FAF1: variants seen among roughly 807,000 people sequenced by gnomAD.
FAF1 encodes the protein Fas associated factor 1, also known as FAS-associated factor 1.
Under a neutral mutation model 92.5 loss-of-function variants are expected in FAF1, and 25 were observed. The ratio of observed to expected loss-of-function variants is 0.27; its 90% CI spans 0.20 to 0.38. FAF1 has a LOEUF of 0.38. Among genes scored for constraint, FAF1 ranks in the 10% least tolerant of loss-of-function variants. FAF1 has a pLI of 1.00. For synonymous variants in FAF1, 234 were observed against 273.2 expected (o/e 0.86, Z 1.42); for missense variants, 636 against 793.3 (o/e 0.80, Z 2.38).
intron 6 of FAF1, among the ~76,000 whole-genome samples, chr1:50,723,660 C>T (rs1422229970): frequency 6.6e-6 from 1 of 152,064 alleles, no homozygotes; most frequent in Non-Finnish European, 1.5e-5. Context: ...ACTTATAATC[C>T]CAGTGCTTTG....
chr1:50,535,406 A>C lies in FAF1; in HGVS notation c.1457T>G (p.Ile486Ser). ...ATCTTCCTGTTGTTGGGCTGTGAAG[A>C]TCTCCATTGCAGCCATGAGTCTCAT... ...LMMRLMAAME[I>S]FTAQQQEDIK... The change falls in exon 15 of 19, where the codon ATC (isoleucine) becomes AGC (serine). Residue 486 changes from isoleucine to serine, a missense_variant. By Grantham distance (142) the Ile-to-Ser change is moderately radical (BLOSUM62 -2). This residue lies in a region of FAF1 where 319 missense variants were observed against 451.0 expected (regional missense o/e 0.71). Transcript: ENST00000396153. 1 of 1,612,532 alleles carries C rather than the reference A, an allele frequency of 6.2e-7. No individual in the cohort carries two copies.
intron 15 of FAF1, among the ~76,000 whole-genome samples, chr1:50,512,022 T>C (rs1268365223): frequency 6.6e-6 from 1 of 152,240 alleles, no homozygotes; most frequent in Non-Finnish European, 1.5e-5. Flanking sequence ...TTCATGTTTG[T>C]TGGCCACATA....
chr1:50,908,077 G>A (rs1049901320), intron 1 of FAF1, among the ~76,000 whole-genome samples: 10 of 152,018 alleles, frequency 6.6e-5, no homozygotes, highest in African/African-American at 1.7e-4. Flanking sequence ...TTGTGTCTTC[G>A]TTCTCATTGG....
At chr1:50,912,776 T>G (rs1262714804) in intron 1 of FAF1, among the ~76,000 whole-genome samples, 1 of 152,214 alleles carries the variant, frequency 6.6e-6, no homozygotes, top group Non-Finnish European at 1.5e-5. Context: ...CGGTTTAGTA[T>G]TTGAAAATAT....
At chr1:50,623,608 G>C (rs1653316998) in intron 8 of FAF1, among the ~76,000 whole-genome samples, 1 of 150,462 alleles carries the variant, frequency 6.6e-6, no homozygotes, top group South Asian at 2.1e-4. Flanking sequence ...AAAAGAAAAA[G>C]AAATTTTGGC....
chr1:50,619,016 C>G (rs1212186662), intron 8 of FAF1, among the ~76,000 whole-genome samples: 1 of 152,146 alleles, frequency 6.6e-6, no homozygotes, highest in African/African-American at 2.4e-5. Flanking sequence ...CTTGGACTCC[C>G]AAAGTGCTAG....
chr1:50,450,472 A>G (rs1646282280), intron 18 of FAF1, among the ~76,000 whole-genome samples: 1 of 152,140 alleles, frequency 6.6e-6, no homozygotes, highest in Non-Finnish European at 1.5e-5. Context: ...CTTCTGACCT[A>G]CTTCTAAACG....
intron 1 of FAF1, among the ~76,000 whole-genome samples, chr1:50,939,980 A>G (rs1645118145): frequency 6.6e-6 from 1 of 152,120 alleles, no homozygotes; most frequent in Non-Finnish European, 1.5e-5. Context: ...GCATGATCTC[A>G]GCTCACTGCA....
intron 7 of FAF1, among the ~76,000 whole-genome samples, chr1:50,658,788 C>T (rs1280189082): frequency 6.6e-6 from 1 of 152,198 alleles, no homozygotes; most frequent in Non-Finnish European, 1.5e-5. Context: ...AATGCAAAGG[C>T]TAAATTCACA....
chr1:50,915,842 G>T (rs1304418815), intron 1 of FAF1, among the ~76,000 whole-genome samples: 1 of 152,156 alleles, frequency 6.6e-6, no homozygotes, highest in Non-Finnish European at 1.5e-5. Flanking sequence ...ATTCTGAAAG[G>T]TGAGATCCAC....
chr1:50,957,904 A>G (rs1007227407), intron 1 of FAF1, among the ~76,000 whole-genome samples: 2 of 152,230 alleles, frequency 1.3e-5, no homozygotes, highest in Non-Finnish European at 2.9e-5. Context: ...CGGTAAAACT[A>G]CACCTTGAAA....
chr1:50,849,075 G>T (rs1644326709), intron 2 of FAF1, among the ~76,000 whole-genome samples: 1 of 151,946 alleles, frequency 6.6e-6, no homozygotes, highest in South Asian at 2.1e-4. Context: ...TGGCCAATAT[G>T]GTGAAACCCC....
intron 13 of FAF1, among the ~76,000 whole-genome samples, chr1:50,554,755 A>C (rs944663407): frequency 3.3e-5 from 5 of 152,194 alleles, no homozygotes; most frequent in African/African-American, 7.2e-5. Flanking sequence ...TTTTCTACTG[A>C]AAACAACTGT....
intron 13 of FAF1, among the ~76,000 whole-genome samples, chr1:50,545,432 C>T (rs1464438349): frequency 6.6e-6 from 1 of 152,010 alleles, no homozygotes; most frequent in African/African-American, 2.4e-5. Context: ...CCATGCCTGG[C>T]TAATTTTTGT....
At chr1:50,541,302 A>T (rs1648745804) in intron 13 of FAF1, among the ~76,000 whole-genome samples, 1 of 152,180 alleles carries the variant, frequency 6.6e-6, no homozygotes, top group Non-Finnish European at 1.5e-5. Flanking sequence ...GTTTAAATAC[A>T]CATTCAGAAG....
At position 50,581,373 on chromosome 1, in the gene FAF1, C is replaced by A. The variant is rs529249482; in HGVS notation, c.1113+1245G>T. On this transcript the variant is annotated intron_variant, in intron 12 of 18. Coordinates refer to ENST00000396153, the MANE Select transcript of FAF1 (RefSeq NM_007051.3). The stretch of plus-strand genomic sequence containing the variant: ...TTAACATACTCTAGAAAATAGAAAT[C>A]TCAGAGGCATCCTTGCACTCTGTTC... 5.3e-5 allele frequency among the ~76,000 whole-genome samples: 8 copies of A among 152,178 alleles called. No homozygotes were observed. In the South Asian group the frequency reaches 1.5e-3, roughly 28 times the overall value.
chr1:50,910,063 T>G (rs886833780), intron 1 of FAF1, among the ~76,000 whole-genome samples: 1 of 152,200 alleles, frequency 6.6e-6, no homozygotes, highest in Non-Finnish European at 1.5e-5. Flanking sequence ...GGGGTTTTGG[T>G]GTGGATGTCC....
intron 8 of FAF1, among the ~76,000 whole-genome samples, chr1:50,629,766 A>G (rs567893813): frequency 3.9e-5 from 6 of 152,262 alleles, no homozygotes; most frequent in African/African-American, 1.4e-4. Flanking sequence ...GATTAAAGAT[A>G]AAACATATAA....
Position 50,959,852 on chromosome 1 carries a change from A to C in FAF1, c.-41T>G, listed in dbSNP as rs1645301201. On this transcript the variant is annotated 5_prime_UTR_variant, in exon 1 of 19. Transcript: ENST00000396153. Reference sequence around the variant, plus strand: ...CCGCGGCTCCGGGAGCGAAGCGCGCACCTGGGAGGCAGACGGCACCTCCTG... The same window carrying C: ...CCGCGGCTCCGGGAGCGAAGCGCGCCCCTGGGAGGCAGACGGCACCTCCTG... 1 of 1,498,866 alleles carries C rather than the reference A, an allele frequency of 6.7e-7. No homozygotes were observed. Among genetic ancestry groups the C allele is most frequent in the Admixed American group, 1.9e-5 (1 of 51,486 alleles). 92.8% of individuals were successfully genotyped at this position (1,498,866 alleles called of 1,614,324 possible). A position where few individuals can be genotyped will look rare whatever the true frequency, so the allele number is the denominator to read the frequency against.
Sources: gnomAD v4.1 joint callset for allele counts (sites outside exome capture counted in the v4.1 genomes callset) on GRCh38, gnomAD v4.1.1 for gene constraint, gnomAD v4.1.1 regional missense constraint, MANE v1.5 for transcripts, NCBI Gene and HGNC (gene_info 2026-07-23, HGNC 2026-07-21) for gene names.